Variants in SUMF1 observed in about 807,000 individuals in gnomAD.
SUMF1 encodes the protein formylglycine-generating enzyme.
In SUMF1, 48 loss-of-function variants were observed where a neutral mutation model predicts 47.6. That is an observed-to-expected ratio of 1.01 (90% CI 0.80 to 1.28). SUMF1 has a LOEUF of 1.28. Ranked by LOEUF, SUMF1 falls within the 50% of genes most tolerant of loss-of-function variation. SUMF1 has a pLI of 0.00. For synonymous variants in SUMF1, 230 were observed against 192.1 expected, an observed-to-expected ratio of 1.20 and a Z score of -1.63; for missense variants, 571 against 485.4, an observed-to-expected ratio of 1.18 and a Z score of -1.66.
At chr3:4,463,571 T>C (rs1396157031) in intron 1 of SUMF1, among the ~76,000 whole-genome samples, 7 of 152,108 alleles carry the variant, frequency 4.6e-5, no homozygotes, top group Non-Finnish European at 1.0e-4. Context: ...AACAACAAAA[T>C]AAGCTATGGG....
chr3:4,319,436 T>A (rs1418092272), intron 8 of SUMF1, among the ~76,000 whole-genome samples: 1 of 151,940 alleles, frequency 6.6e-6, no homozygotes, highest in Non-Finnish European at 1.5e-5. Flanking sequence ...GGGAAGGAAT[T>A]AAGGGGGGTA....
intron 8 of SUMF1, among the ~76,000 whole-genome samples, chr3:4,177,386 C>G (rs1263636223): frequency 6.6e-6 from 1 of 152,142 alleles, no homozygotes; most frequent in Non-Finnish European, 1.5e-5. Context: ...TTAAGAAACT[C>G]ACTCAAAACC....
At chr3:4,281,630 A>C (rs1697530961) in intron 8 of SUMF1, among the ~76,000 whole-genome samples, 1 of 152,208 alleles carries the variant, frequency 6.6e-6, no homozygotes, top group Non-Finnish European at 1.5e-5. Context: ...GAAAATAATT[A>C]GAAGAAGTAA....
chr3:4,392,550 TATAATCTTAA>T (rs1350801918), intron 7 of SUMF1, among the ~76,000 whole-genome samples: 1 of 150,804 alleles, frequency 6.6e-6, no homozygotes, highest in African/African-American at 2.4e-5. Flanking sequence ...AGATTACATA[TATAATCTTAA>T]ATAATCTTAA....
intron 8 of SUMF1, among the ~76,000 whole-genome samples, chr3:4,169,875 G>A (rs190384776): frequency 3.3e-5 from 5 of 152,306 alleles, no homozygotes; most frequent in Admixed American, 2.0e-4. Context: ...CAAAAGCCTC[G>A]TTAAAAGAAC....
intron 8 of SUMF1, among the ~76,000 whole-genome samples, chr3:4,187,273 G>A (rs531151130): frequency 5.1e-4 from 78 of 152,304 alleles, no homozygotes; most frequent in Middle Eastern, 3.4e-3. Flanking sequence ...GGAGGCAAAG[G>A]TGGGAGGACT....
intron 8 of SUMF1, among the ~76,000 whole-genome samples, chr3:4,079,816 A>G (rs552435875): frequency 1.3e-5 from 2 of 151,306 alleles, no homozygotes; most frequent in Non-Finnish European, 2.9e-5. Flanking sequence ...TTTCTGATCT[A>G]GTCCTATCTT....
intron 7 of SUMF1, among the ~76,000 whole-genome samples, chr3:4,410,454 A>G (rs1307498643): frequency 1.3e-5 from 2 of 152,204 alleles, no homozygotes; most frequent in Admixed American, 1.3e-4. Flanking sequence ...AATGCTGCTG[A>G]ATCAAAATTT....
intron 8 of SUMF1, among the ~76,000 whole-genome samples, chr3:4,286,105 T>C (rs1265999895): frequency 6.6e-6 from 1 of 152,130 alleles, no homozygotes; most frequent in African/African-American, 2.4e-5. Flanking sequence ...TTAAATTATA[T>C]AGTTACCTCT....
chr3:4,324,240 C>T (rs1294643705), intron 8 of SUMF1, among the ~76,000 whole-genome samples: 1 of 150,948 alleles, frequency 6.6e-6, no homozygotes, highest in East Asian at 2.0e-4. Flanking sequence ...ATGTCAAAGA[C>T]CTACACTGAC....
chr3:4,314,993 G>A (rs1337660850), intron 8 of SUMF1, among the ~76,000 whole-genome samples: 5 of 152,104 alleles, frequency 3.3e-5, no homozygotes, highest in East Asian at 3.8e-4. Flanking sequence ...AATATACAGC[G>A]TGTGAATTAT....
chr3:4,313,118 A>G lies in SUMF1; in HGVS notation c.1014+63212T>C, dbSNP rs150691823. The G allele has an allele frequency of 7.2e-3, 11,686 of 1,613,922 alleles. 97 individuals carry two copies. The highest frequency in any genetic ancestry group is 0.034 in the African/African-American group (2,572 of 75,040). On this transcript the variant is annotated intron_variant and NMD_transcript_variant, in intron 8 of 12. Transcript: ENST00000448413. The stretch of plus-strand genomic sequence containing the variant: ...TGCAATGTCCTGTGCCGATGCAGTG[A>G]CCACTGCAGAAACAGAGTGGTCCAG...
intron 8 of SUMF1, among the ~76,000 whole-genome samples, chr3:4,258,091 C>T (rs1696997450): frequency 6.6e-6 from 1 of 150,842 alleles, no homozygotes; most frequent in Non-Finnish European, 1.5e-5. Flanking sequence ...CCCTTCCTTA[C>T]ACCTTATACA....
At chr3:4,190,191 T>TG (rs1381576727) in intron 8 of SUMF1, among the ~76,000 whole-genome samples, 7 of 137,756 alleles carry the variant, frequency 5.1e-5, no homozygotes, top group African/African-American at 1.9e-4. Flanking sequence ...TATGGAGAGT[T>TG]TTTTTTTTTT....
chr3:4,263,854 T>C (rs977329842), intron 8 of SUMF1, among the ~76,000 whole-genome samples: 29 of 152,188 alleles, frequency 1.9e-4, no homozygotes, highest in Admixed American at 6.5e-4. Context: ...TATAATCTCT[T>C]TCCTACCCTG....
At chr3:4,234,148 G>C (rs1309933238) in intron 8 of SUMF1, among the ~76,000 whole-genome samples, 1 of 151,990 alleles carries the variant, frequency 6.6e-6, no homozygotes, top group African/African-American at 2.4e-5. Flanking sequence ...AAAAGAACTG[G>C]GATCTGGTCC....
chr3:4,304,397 C>G (rs2125071196), intron 8 of SUMF1, among the ~76,000 whole-genome samples: 1 of 152,364 alleles, frequency 6.6e-6, no homozygotes, highest in South Asian at 2.1e-4. Context: ...CCGCCTCGGC[C>G]TCCCAAAATG....
intron 8 of SUMF1, among the ~76,000 whole-genome samples, chr3:4,285,762 T>C (rs1697620661): frequency 6.6e-6 from 1 of 152,068 alleles, no homozygotes; most frequent in South Asian, 2.1e-4. Flanking sequence ...AATGATACTT[T>C]CAATAACAAA....
intron 2 of SUMF1, among the ~76,000 whole-genome samples, chr3:4,452,462 A>T (rs1703006888): frequency 6.6e-6 from 1 of 152,228 alleles, no homozygotes; most frequent in Non-Finnish European, 1.5e-5. Context: ...GAAAAAAACA[A>T]ACTGCAACTT....
Sources: allele counts gnomAD v4.1 joint callset (sites outside exome capture counted in the v4.1 genomes callset), GRCh38; gene constraint gnomAD v4.1.1; transcripts MANE v1.5; gene names NCBI Gene and HGNC (gene_info 2026-07-23, HGNC 2026-07-21).